Variants in ITPRIP observed in about 807,000 individuals in gnomAD.
The protein encoded by ITPRIP is inositol 1,4,5-trisphosphate receptor-interacting protein.
A neutral mutation model predicts 35.8 loss-of-function variants in ITPRIP; 32 were observed. The observed-to-expected ratio is 0.89, with a 90% confidence interval of 0.68 to 1.20. The LOEUF is 1.20. Ranked by LOEUF, ITPRIP falls within the 50% of genes most tolerant of loss-of-function variation. The probability of loss-of-function intolerance (pLI) is 0.00; values close to 1 mark genes in which losing one functional copy is unlikely to be tolerated. For synonymous variants in ITPRIP, 358 were observed against 324.0 expected (o/e 1.11, Z -1.13); for missense variants, 653 against 735.6 (o/e 0.89, Z 1.30).
chr10:104,315,277 T>G lies in ITPRIP; in HGVS notation c.775A>C (p.Lys259Gln), dbSNP rs752189846. ...DGDTLSCICG[K>Q]TKLGEDMLCL... is the part of the protein sequence containing the mutation. ...AGCATGTCTTCCCCGAGCTTGGTCT[T>G]GCCGCAGATGCAGCTCAATGTGTCC... The change falls in exon 2 of 2, where the codon AAG becomes CAG. Residue 259 changes from lysine (K) to glutamine (Q), a missense_variant. Coordinates refer to ENST00000337478, the MANE Select transcript of ITPRIP (RefSeq NM_001272013.2). This position sits in a 1 kb window ranked among gnomAD's most constrained non-coding sequence, Gnocchi z 5.7. 1.2e-6 allele frequency: 2 copies of G among 1,602,110 alleles called. No homozygotes were observed. The highest frequency in any genetic ancestry group is 1.1e-5 in the South Asian group (1 of 89,672).
In ITPRIP at chr10:104,315,765, A is replaced by G; in HGVS notation, c.287T>C (p.Leu96Pro). ...CCGCCACACCTCGATCATCAGGAAG[A>G]GGATCATGCAGAGGGTGCTCCAGAG... Reference protein sequence around the residue: ...WDLWSTLCMILFLMIEVWRQD... With the variant: ...WDLWSTLCMIPFLMIEVWRQD... The change falls in exon 2 of 2, where the codon CTC (leucine) becomes CCC (proline). Residue 96 changes from leucine to proline, a missense_variant. By Grantham distance (98) the Leu-to-Pro change is moderately conservative. Transcript: ENST00000337478. This position sits in a 1 kb window ranked among gnomAD's most constrained non-coding sequence, Gnocchi z 5.7. 1 of 1,613,984 alleles carries G rather than the reference A, an allele frequency of 6.2e-7. No individual in the cohort carries two copies. The highest frequency in any genetic ancestry group is 8.5e-7 in the Non-Finnish European group (1 of 1,180,014).
rs534538823 is a variant in ITPRIP at position 104,313,600 on chromosome 10, G to A, written c.*808C>T. On this transcript the variant is annotated 3_prime_UTR_variant, in exon 2 of 2. Coordinates refer to ENST00000337478, the MANE Select transcript of ITPRIP (RefSeq NM_001272013.2). The stretch of plus-strand genomic sequence containing the variant: ...AGACCAGCTTTGGAGAGAATAAAGA[G>A]AGGTGGGGGGCTGCTGAGCTGGCAC... 83 of 985,538 alleles carry A rather than the reference G, an allele frequency of 8.4e-5. No homozygotes were observed. In the South Asian group the frequency reaches 2.7e-3, roughly 32 times the overall value. 61.0% of individuals were successfully genotyped at this position (985,538 alleles called of 1,614,324 possible).
At chr10:104,316,184 A>C in intron 1 of ITPRIP, 120 bp from the exon 2 acceptor site, 1 of 819,432 alleles carries the variant, frequency 1.2e-6, no homozygotes, top group Non-Finnish European at 1.8e-6. Flanking sequence ...CACCCAACCC[A>C]TCGAGAGCTC....
chr10:104,313,464 TAG>T lies in ITPRIP; in HGVS notation c.*942_*943del, dbSNP rs2013542074. ...CTTGTGGTTGCCAATGAAGAAGTGATAGAGTTTCTTTTCCAGCTGTCCTTTGC... is the reference window on the plus strand; with the variant it reads ...CTTGTGGTTGCCAATGAAGAAGTGATAGTTTCTTTTCCAGCTGTCCTTTGC... On this transcript the variant is annotated 3_prime_UTR_variant, in exon 2 of 2. Transcript: ENST00000337478. 17 of 985,672 alleles carry T rather than the reference TAG, an allele frequency of 1.7e-5. No homozygotes were observed. Among genetic ancestry groups the T allele is most frequent in the Non-Finnish European group, 1.9e-5 (16 of 830,156 alleles). The allele number at this position is 985,672 out of a possible 1,614,324, so 61.1% of individuals were successfully genotyped here.
chr10:104,318,071 C>T (rs1267867066), intron 1 of ITPRIP, among the ~76,000 whole-genome samples: 1 of 152,058 alleles, frequency 6.6e-6, no homozygotes, highest in East Asian at 1.9e-4. Context: ...AAAGCGGGGA[C>T]AGGATGAAGT....
chr10:104,333,600 C>T lies in ITPRIP; in HGVS notation c.-14+4646G>A, dbSNP rs1185332295. 1 of 152,256 alleles carries T rather than the reference C, an allele frequency of 6.6e-6. No homozygotes were observed. Among genetic ancestry groups the T allele is most frequent in the Non-Finnish European group, 1.5e-5 (1 of 68,102 alleles). The allele number at this position is 152,256 out of a possible 1,614,324, so 9.4% of individuals were successfully genotyped here. On this transcript the variant is annotated intron_variant, in intron 1 of 1. Coordinates refer to ENST00000337478, the MANE Select transcript of ITPRIP (RefSeq NM_001272013.2). The surrounding 1 kb of genome is among the most constrained non-coding windows in gnomAD (Gnocchi z 4.1). ...CCTCTGGGGCACTCCCAAATGACCC[C>T]TTTCCTCGCCCAGAAGAGCTCCTTA...
chr10:104,323,674 C>G (rs932048865), intron 1 of ITPRIP: 1 of 152,306 alleles, frequency 6.6e-6, no homozygotes, highest in African/African-American at 2.4e-5. Context: ...AACTCATGGG[C>G]GGGCGGTCTG....
In ITPRIP at chr10:104,315,121, C is replaced by A. The variant is rs1564861078; in HGVS notation, c.931G>T (p.Ala311Ser). The A allele has an allele frequency of 6.2e-7, 1 of 1,614,060 alleles. No individual in the cohort carries two copies. The highest frequency in any genetic ancestry group is 1.7e-5 in the Admixed American group (1 of 60,018). The change falls in exon 2 of 2, where the codon GCC becomes TCC. Residue 311 changes from alanine (A) to serine (S), a missense_variant. Coordinates refer to ENST00000337478, the MANE Select transcript of ITPRIP (RefSeq NM_001272013.2). This position sits in a 1 kb window ranked among gnomAD's most constrained non-coding sequence, Gnocchi z 5.7. ...MKWFQTALTR[A>S]WKGIAHKYEF... ...TACTTGTGGGCGATGCCCTTCCAGG[C>A]TCTGGTGAGGGCCGTCTGGAACCAC... is the stretch of plus-strand genomic sequence containing the variant.
intron 1 of ITPRIP, among the ~76,000 whole-genome samples, chr10:104,337,743 T>C (rs930387185): frequency 6.6e-6 from 1 of 151,750 alleles, no homozygotes; most frequent in African/African-American, 2.4e-5. Flanking sequence ...ATAACTTCAC[T>C]ACCATGAACC....
At position 104,328,274 on chromosome 10, in the gene ITPRIP, T is replaced by C; in HGVS notation, c.-14+9972A>G. ...CCTACATTGGCTTGGTCTGGGCTCG[T>C]ATTCCTCCGAATTTCCCCTAGCCCT... On this transcript the variant is annotated intron_variant, in intron 1 of 1. Coordinates refer to ENST00000337478, the MANE Select transcript of ITPRIP (RefSeq NM_001272013.2). The surrounding 1 kb of genome is among the most constrained non-coding windows in gnomAD (Gnocchi z 4.1). 2.0e-6 allele frequency: 2 copies of C among 985,438 alleles called. No individual in the cohort carries two copies. The highest frequency in any genetic ancestry group is 1.2e-6 in the Non-Finnish European group (1 of 829,940). 61.0% of individuals were successfully genotyped at this position (985,438 alleles called of 1,614,324 possible). A position where few individuals can be genotyped will look rare whatever the true frequency, so the allele number is the denominator to read the frequency against.
Position 104,330,088 on chromosome 10 carries a change from C to T in ITPRIP, c.-14+8158G>A, listed in dbSNP as rs115966612. Among the ~76,000 whole-genome samples, 1,240 of 152,292 alleles carry T rather than the reference C, an allele frequency of 8.1e-3. 25 individuals carry two copies. The highest frequency in any genetic ancestry group is 0.028 in the African/African-American group (1,184 of 41,550). Reference sequence around the variant, plus strand: ...AAGGTCAGCAGCACCCTCCCTTACTCCCTCCAATCTGGCATCATTGACACT... The same window carrying T: ...AAGGTCAGCAGCACCCTCCCTTACTTCCTCCAATCTGGCATCATTGACACT... On this transcript the variant is annotated intron_variant, in intron 1 of 1. Coordinates refer to ENST00000337478, the MANE Select transcript of ITPRIP (RefSeq NM_001272013.2).
rs370564416 is a variant in ITPRIP, at chr10:104,315,697, C to T, written c.355G>A (p.Glu119Lys). Residue 119 changes from glutamate to lysine, a missense_variant, in exon 2 of 2, where the codon GAG becomes AAG. Physicochemically the swap from Glu to Lys is moderately conservative, Grantham distance 56 (BLOSUM62 1). Transcript: ENST00000337478. This position sits in a 1 kb window ranked among gnomAD's most constrained non-coding sequence, Gnocchi z 5.7. ...EGPSPECLGG[E>K]EDELPGLGGA... Reference sequence around the variant, plus strand: ...CCCAGCCCAGGCAGCTCATCCTCCTCACCGCCCAGGCACTCAGGTGAGGGC... The same window carrying T: ...CCCAGCCCAGGCAGCTCATCCTCCTTACCGCCCAGGCACTCAGGTGAGGGC... The T allele has an allele frequency of 2.4e-5, 38 of 1,613,300 alleles. No individual in the cohort carries two copies. In the Middle Eastern group the frequency reaches 8.2e-4, roughly 35 times the overall value.
rs1055943279 is a variant in ITPRIP at position 104,311,803 on chromosome 10, C to G, written c.*2605G>C. ...CAAAATCCTCTATTTAAAATACAAT[C>G]TCTTTCTTTAAAACCCAAAAGCTTC... On this transcript the variant is annotated 3_prime_UTR_variant, in exon 2 of 2. Coordinates refer to ENST00000337478, the MANE Select transcript of ITPRIP (RefSeq NM_001272013.2). The G allele has an allele frequency of 5.9e-5, 9 of 152,204 alleles. No individual in the cohort carries two copies. The highest frequency in any genetic ancestry group is 2.2e-4 in the African/African-American group (9 of 41,456). 9.4% of individuals were successfully genotyped at this position (152,204 alleles called of 1,614,324 possible). A position where few individuals can be genotyped will look rare whatever the true frequency, so the allele number is the denominator to read the frequency against.
At chr10:104,317,924 C>T (rs972290215) in intron 1 of ITPRIP, among the ~76,000 whole-genome samples, 7 of 152,204 alleles carry the variant, frequency 4.6e-5, no homozygotes, top group Non-Finnish European at 1.0e-4. Context: ...GACAGTTCCA[C>T]CCCATACACA....
chr10:104,332,263 C>A (rs970172429), intron 1 of ITPRIP, among the ~76,000 whole-genome samples: 1 of 152,092 alleles, frequency 6.6e-6, no homozygotes, highest in Non-Finnish European at 1.5e-5. Context: ...TGAACAATGT[C>A]ATATCCATAA....
In ITPRIP at chr10:104,329,592, T is replaced by C. The variant is rs1005362245; in HGVS notation, c.-14+8654A>G. Reference sequence around the variant, plus strand: ...GGGCAGCAAGCAGCCACTGATAGTGTCAAGTTCACACAGGCTCATTTCCAC... The same window carrying C: ...GGGCAGCAAGCAGCCACTGATAGTGCCAAGTTCACACAGGCTCATTTCCAC... On this transcript the variant is annotated intron_variant, in intron 1 of 1. Transcript: ENST00000337478. Among the ~76,000 whole-genome samples, 6 of 152,068 alleles carry C rather than the reference T, an allele frequency of 3.9e-5. No individual in the cohort carries two copies. In the South Asian group the frequency reaches 8.3e-4, roughly 21 times the overall value.
At position 104,313,662 on chromosome 10, in the gene ITPRIP, T is replaced by C. The variant is rs1289767039; in HGVS notation, c.*746A>G. 1.3e-5 allele frequency: 13 copies of C among 985,362 alleles called. No homozygotes were observed. The highest frequency in any genetic ancestry group is 1.3e-5 in the Non-Finnish European group (11 of 829,962). The allele number at this position is 985,362 out of a possible 1,614,324, so 61.0% of individuals were successfully genotyped here. ...AATACCCACCACGCTCGGGACCCAGTACGTTGGGGAAAGGACAGCAGAAGG... is the reference window on the plus strand; with the variant it reads ...AATACCCACCACGCTCGGGACCCAGCACGTTGGGGAAAGGACAGCAGAAGG... On this transcript the variant is annotated 3_prime_UTR_variant, in exon 2 of 2. Transcript: ENST00000337478.
In ITPRIP at chr10:104,312,316, C is replaced by T. The variant is rs1018916620; in HGVS notation, c.*2092G>A. On this transcript the variant is annotated 3_prime_UTR_variant, in exon 2 of 2. Coordinates refer to ENST00000337478, the MANE Select transcript of ITPRIP (RefSeq NM_001272013.2). ...AGATATTTTTTTTTCAGTGAACTTT[C>T]TCCTGGAAGCAAAGGAGAAGCTATG... 2 of 152,504 alleles carry T rather than the reference C, an allele frequency of 1.3e-5. No homozygotes were observed. The highest frequency in any genetic ancestry group is 4.8e-5 in the African/African-American group (2 of 41,406). 9.4% of individuals were successfully genotyped at this position (152,504 alleles called of 1,614,324 possible). A position where few individuals can be genotyped will look rare whatever the true frequency, so the allele number is the denominator to read the frequency against.
chr10:104,336,200 C>T (rs1189081750), intron 1 of ITPRIP, among the ~76,000 whole-genome samples: 1 of 152,198 alleles, frequency 6.6e-6, no homozygotes, highest in Non-Finnish European at 1.5e-5. Flanking sequence ...AATAGGCTAG[C>T]AGCAGCCCTG....
Sources: allele counts gnomAD v4.1 joint callset (sites outside exome capture counted in the v4.1 genomes callset), GRCh38; gene constraint gnomAD v4.1.1; non-coding constraint Gnocchi (gnomAD v3.1); transcripts MANE v1.5; gene names NCBI Gene and HGNC (gene_info 2026-07-23, HGNC 2026-07-21).